The following BCORL1 variants were observed in gnomAD, a reference collection of about 807,000 sequenced individuals.
BCORL1 encodes BCL6 corepressor like 1.
In BCORL1, 7 loss-of-function variants were observed where a neutral mutation model predicts 87.6. The observed-to-expected ratio is 0.08, with a 90% confidence interval of 0.05 to 0.15. BCORL1 has a LOEUF of 0.15. BCORL1 is among the 10% of genes least tolerant of loss of function. BCORL1 has a pLI of 1.00. For synonymous variants in BCORL1, 591 were observed against 634.4 expected (o/e 0.93, Z 1.03); for missense variants, 1,215 against 1,499.7 (o/e 0.81, Z 3.13).
intron 13 of BCORL1, among the ~76,000 whole-genome samples, chrX:130,054,110 T>TA (rs1932222774): frequency 8.9e-6 from 1 of 112,118 alleles, no homozygotes; most frequent in Non-Finnish European, 1.9e-5. Context: ...CACCATCTAG[T>TA]GCAGTAGACA....
chrX:129,992,973 A>G (rs747516480), intron 1 of BCORL1, among the ~76,000 whole-genome samples: 5 of 111,937 alleles, frequency 4.5e-5, no homozygotes, highest in African/African-American at 1.6e-4. Context: ...CTCAAAAGGG[A>G]TTCAGAATGT....
intron 8 of BCORL1, among the ~76,000 whole-genome samples, chrX:130,032,618 C>T (rs1209541304): frequency 9.0e-6 from 1 of 111,313 alleles, no homozygotes; most frequent in Non-Finnish European, 1.9e-5. Context: ...CACAGTCTGC[C>T]CTCTGGCCTC....
intron 13 of BCORL1, among the ~76,000 whole-genome samples, chrX:130,055,042 G>C (rs1932285916): frequency 8.9e-6 from 1 of 112,333 alleles, no homozygotes; most frequent in Admixed American, 9.4e-5. Context: ...AAGTGGCAAA[G>C]GCTGGAGCTG....
chrX:130,035,589 G>A (rs1463920158), intron 9 of BCORL1, among the ~76,000 whole-genome samples: 1 of 112,130 alleles, frequency 8.9e-6, no homozygotes, highest in African/African-American at 3.2e-5. Context: ...AGCCAGACTG[G>A]TCAGCTCTGG....
chrX:130,039,940 G>A (rs1931213622), intron 11 of BCORL1, among the ~76,000 whole-genome samples: 1 of 112,850 alleles, frequency 8.9e-6, no homozygotes, highest in Admixed American at 9.4e-5. Flanking sequence ...TCTGCAGTTA[G>A]ATAGCTCTAC....
intron 1 of BCORL1, 63 bp from the exon 2 acceptor site, chrX:130,005,124 TA>T: frequency 1.6e-6 from 1 of 633,932 alleles, no homozygotes; most frequent in Non-Finnish European, 2.5e-6. Context: ...CATTGCTGTG[TA>T]AAAGGTGATT....
chrX:130,015,652 C>T lies in BCORL1; in HGVS notation c.2880C>T (p.Asp960=). Residue 960 remains aspartate, a synonymous_variant, in exon 4 of 14, where the codon GAC becomes GAT. Transcript: ENST00000540052. ...PEESESHLCS[D]STPKMEGPQG... ...AATCAGAGAGCCACCTCTGCTCTGA[C>T]AGCACTCCTAAGATGGAAGGCCCCC... 8.3e-7 allele frequency: 1 copy of T among 1,211,919 alleles called. No individual in the cohort carries two copies. Among genetic ancestry groups the T allele is most frequent in the East Asian group, 3.0e-5 (1 of 33,845 alleles).
chrX:130,013,451 G>T lies in BCORL1; in HGVS notation c.679G>T (p.Val227Phe). ...AGATGCATTCCAGGTTCCCCTCTCC[G>T]TCCCTGCCCCAGTCCCCCATTCAGG... is the stretch of plus-strand genomic sequence containing the variant. ...VPDAFQVPLS[V>F]PAPVPHSGLV... Residue 227 changes from valine (V) to phenylalanine (F), a missense_variant, in exon 4 of 14, where the codon GTC becomes TTC. Coordinates refer to ENST00000540052, the MANE Select transcript of BCORL1 (RefSeq NM_001379451.1). The T allele has an allele frequency of 8.3e-7, 1 of 1,210,165 alleles. No individual in the cohort carries two copies. Among genetic ancestry groups the T allele is most frequent in the Non-Finnish European group, 1.1e-6 (1 of 895,182 alleles).
chrX:130,037,666 G>A (rs1162931021), intron 10 of BCORL1, 133 bp downstream of exon 10: 6 of 759,116 alleles, frequency 7.9e-6, no homozygotes, highest in Non-Finnish European at 9.3e-6. Flanking sequence ...GCCAAGGCGG[G>A]CGGATCATGA....
chrX:130,022,079 G>A (rs929866628), intron 5 of BCORL1, among the ~76,000 whole-genome samples: 2 of 110,718 alleles, frequency 1.8e-5, no homozygotes, highest in African/African-American at 6.6e-5. Flanking sequence ...CAGCCACTGC[G>A]TCCGGCCTCA....
At chrX:129,980,344 G>A (rs1361668383), upstream of BCORL1, among the ~76,000 whole-genome samples, 2 of 113,018 alleles carry the variant, frequency 1.8e-5, no homozygotes, top group South Asian at 7.1e-4. Context: ...CCCCGGCGGC[G>A]TGGAGAAGAG....
In BCORL1 at chrX:130,015,330, C is replaced by A. The variant is rs758474236; in HGVS notation, c.2558C>A (p.Thr853Asn). 3.3e-6 allele frequency: 4 copies of A among 1,211,874 alleles called. No individual in the cohort carries two copies. The highest frequency in any genetic ancestry group is 3.0e-5 in the East Asian group (1 of 33,865). ...SIGISSAGQL[T>N]PSQGAPIRPT... is the part of the protein sequence containing the mutation. ...GGCATTTCCAGTGCCGGGCAGCTGACCCCCAGTCAGGGGGCGCCCATCAGG... is the reference window on the plus strand; with the variant it reads ...GGCATTTCCAGTGCCGGGCAGCTGAACCCCAGTCAGGGGGCGCCCATCAGG... Residue 853 changes from threonine to asparagine, a missense_variant, in exon 4 of 14, where the codon ACC (threonine) becomes AAC (asparagine). By Grantham distance (65) the Thr-to-Asn change is moderately conservative (BLOSUM62 0). Around this residue, in one of 5 missense-constraint regions of BCORL1, gnomAD observed 861 missense variants for 1,010.0 expected, o/e 0.85. Transcript: ENST00000540052.
At chrX:130,022,793 CTCTT>C (rs1929946662) in intron 5 of BCORL1, 100 bp from the exon 6 acceptor site, 3 of 712,886 alleles carry the variant, frequency 4.2e-6, no homozygotes, top group Middle Eastern at 2.9e-4. Flanking sequence ...TAAACACAAA[CTCTT>C]TCTCAATCTT....
chrX:129,999,805 C>CT (rs1927897215), intron 1 of BCORL1, among the ~76,000 whole-genome samples: 1 of 109,704 alleles, frequency 9.1e-6, no homozygotes, highest in African/African-American at 3.3e-5. Context: ...CTCCGAGTAG[C>CT]TGAGATTACA....
intron 2 of BCORL1, among the ~76,000 whole-genome samples, chrX:130,012,072 C>T (rs1360420364): frequency 8.9e-6 from 1 of 112,017 alleles, no homozygotes; most frequent in African/African-American, 3.2e-5. Flanking sequence ...GACCTGAAAA[C>T]ACAACAGGGG....
At chrX:130,022,285 T>TCACC (rs1753355255) in intron 5 of BCORL1, among the ~76,000 whole-genome samples, 1 of 93,920 alleles carries the variant, frequency 1.1e-5, no homozygotes, top group African/African-American at 4.0e-5. Context: ...TCTCACTCTG[T>TCACC]CACCCAGGCT....
intron 4 of BCORL1, among the ~76,000 whole-genome samples, chrX:130,019,706 C>T (rs1362251171): frequency 8.9e-6 from 1 of 112,122 alleles, no homozygotes; most frequent in East Asian, 2.8e-4. Flanking sequence ...TGTGCCATCC[C>T]CTTAGCTGGA....
chrX:130,002,166 T>G (rs1332199071), intron 1 of BCORL1, among the ~76,000 whole-genome samples: 2 of 109,145 alleles, frequency 1.8e-5, no homozygotes, highest in African/African-American at 6.7e-5. Context: ...TTACTGGGCA[T>G]AGGGGGTGGG....
At chrX:130,011,603 C>CTT (rs1449784610) in intron 2 of BCORL1, among the ~76,000 whole-genome samples, 1 of 35,594 alleles carries the variant, frequency 2.8e-5, no homozygotes, top group Non-Finnish European at 4.4e-5. Flanking sequence ...CACCCTCTCC[C>CTT]TTTTTTTTTT....
Sources: gnomAD v4.1 joint callset for allele counts (sites outside exome capture counted in the v4.1 genomes callset) on GRCh38, gnomAD v4.1.1 for gene constraint, gnomAD v4.1.1 regional missense constraint, MANE v1.5 for transcripts, NCBI Gene and HGNC (gene_info 2026-07-23, HGNC 2026-07-21) for gene names.